Variants in NOL10 observed in about 807,000 individuals in gnomAD.
The protein encoded by NOL10 is H_NH0074G24.1.
Under a neutral mutation model 103.5 loss-of-function variants are expected in NOL10, and 58 were observed. The ratio of observed to expected loss-of-function variants is 0.56; its 90% CI spans 0.45 to 0.70. NOL10 has a LOEUF of 0.70. Ranked by LOEUF, NOL10 falls within the 30% of genes least tolerant of loss-of-function variation. NOL10 has a pLI of 0.00. For synonymous variants in NOL10, 287 were observed against 282.5 expected (o/e 1.02, Z -0.16); for missense variants, 763 against 807.3 (o/e 0.95, Z 0.67).
chr2:10,588,309 C>T (rs1675223457), intron 19 of NOL10, among the ~76,000 whole-genome samples: 1 of 152,174 alleles, frequency 6.6e-6, no homozygotes, highest in Non-Finnish European at 1.5e-5. Flanking sequence ...CACTGTTGTA[C>T]AACCACCACT....
intron 1 of NOL10, among the ~76,000 whole-genome samples, chr2:10,685,979 T>C (rs1682173826): frequency 8.5e-6 from 1 of 118,212 alleles, no homozygotes; most frequent in South Asian, 2.8e-4. Flanking sequence ...CAAGAATCAT[T>C]GAGCCCAGAG....
intron 13 of NOL10, among the ~76,000 whole-genome samples, chr2:10,619,107 T>C (rs1676987902): frequency 6.6e-6 from 1 of 152,174 alleles, no homozygotes; most frequent in Non-Finnish European, 1.5e-5. Flanking sequence ...CATACAGAAT[T>C]ACTTTCAAAT....
At chr2:10,644,036 G>A (rs756045143) in intron 13 of NOL10, among the ~76,000 whole-genome samples, 4 of 152,100 alleles carry the variant, frequency 2.6e-5, no homozygotes, top group Non-Finnish European at 5.9e-5. Context: ...GATCACTTGA[G>A]GTCATGAGTT....
At position 10,662,988 on chromosome 2, in the gene NOL10, G is replaced by A. The variant is rs368232032; in HGVS notation, c.648C>T (p.Cys216=). 5.4e-5 allele frequency: 87 copies of A among 1,613,590 alleles called. No homozygotes were observed. Among genetic ancestry groups the A allele is most frequent in the Middle Eastern group, 1.6e-4 (1 of 6,084 alleles). ...RTRNRVGLLD[C]ALNSVTADSE... ...AATCTGCTGTGACACTGTTTAAGGC[G>A]CAGTCTAACAGGCCAACTCTGTTTC... is the stretch of plus-strand genomic sequence containing the variant. Residue 216 remains cysteine (C), a synonymous_variant, in exon 9 of 21, where the codon TGC becomes TGT. Transcript: ENST00000381685.
intron 19 of NOL10, among the ~76,000 whole-genome samples, chr2:10,580,643 GA>G (rs1172226937): frequency 2.0e-5 from 3 of 152,214 alleles, no homozygotes; most frequent in Admixed American, 6.5e-5. Context: ...AAATAAAAAG[GA>G]AAGTGGGCAG....
chr2:10,685,488 TCCCCCCCC>T (rs56198509), intron 1 of NOL10, among the ~76,000 whole-genome samples: 16 of 8,394 alleles, frequency 1.9e-3, no homozygotes, highest in East Asian at 4.9e-3. Flanking sequence ...AGAGACTCCG[TCCCCCCCC>T]CCCCCCCCCC....
Position 10,638,345 on chromosome 2 carries a change from A to G in NOL10, c.1026+5975T>C, listed in dbSNP as rs537904795. On this transcript the variant is annotated intron_variant, in intron 13 of 20. Coordinates refer to ENST00000381685, the MANE Select transcript of NOL10 (RefSeq NM_024894.4). ...GACGTGACGTGACGTAACGTAACGT[A>G]ACGTAACGTAACGTAACAGTACCTA... Among the ~76,000 whole-genome samples the G allele has an allele frequency of 6.2e-4, 93 of 151,004 alleles. 1 individual carries two copies. The highest frequency in any genetic ancestry group is 1.1e-3 in the Non-Finnish European group (78 of 67,874).
intron 3 of NOL10, 47 bp from the exon 4 acceptor site, chr2:10,675,918 G>C: frequency 1.0e-6 from 1 of 993,328 alleles, no homozygotes; most frequent in Non-Finnish European, 1.5e-6. Flanking sequence ...TACTTTCATA[G>C]TCAAAACATC....
rs191944945 is a variant in NOL10, at chr2:10,645,560, G to A, written c.974-1188C>T. ...TTTTTTTTTTTTTTTTGAGACAAGAGTCTTGCTCTGTTGCCCAGGCTGGAG... is the reference window on the plus strand; with the variant it reads ...TTTTTTTTTTTTTTTTGAGACAAGAATCTTGCTCTGTTGCCCAGGCTGGAG... On this transcript the variant is annotated intron_variant, in intron 12 of 20. Transcript: ENST00000381685. Among the ~76,000 whole-genome samples the A allele has an allele frequency of 2.5e-3, 362 of 145,196 alleles. 3 individuals are homozygous for A. The highest frequency in any genetic ancestry group is 8.9e-3 in the African/African-American group (348 of 39,114).
chr2:10,576,150 G>A (rs1674439884), intron 20 of NOL10, among the ~76,000 whole-genome samples: 1 of 152,072 alleles, frequency 6.6e-6, no homozygotes, highest in African/African-American at 2.4e-5. Context: ...AGTCATTAGG[G>A]ACCTGCAAAT....
intron 8 of NOL10, among the ~76,000 whole-genome samples, chr2:10,666,378 G>A (rs993443561): frequency 6.6e-6 from 1 of 151,114 alleles, no homozygotes; most frequent in South Asian, 2.1e-4. Flanking sequence ...ACGGAGTCTC[G>A]CTCTGTCACC....
intron 12 of NOL10, among the ~76,000 whole-genome samples, chr2:10,649,324 T>TC (rs1679304055): frequency 7.2e-6 from 1 of 138,820 alleles, no homozygotes; most frequent in Admixed American, 7.3e-5. Flanking sequence ...TTTTTTTTTT[T>TC]TTTTTTTTTT....
At chr2:10,683,646 T>C (rs1451681914) in intron 2 of NOL10, among the ~76,000 whole-genome samples, 1 of 152,230 alleles carries the variant, frequency 6.6e-6, no homozygotes, top group Non-Finnish European at 1.5e-5. Flanking sequence ...AACCTGTCCC[T>C]TCTGGACAAA....
intron 13 of NOL10, among the ~76,000 whole-genome samples, chr2:10,611,778 TGGTG>T (rs1207291846): frequency 6.6e-6 from 1 of 152,096 alleles, no homozygotes; most frequent in Non-Finnish European, 1.5e-5. Flanking sequence ...TAGCCAGGCG[TGGTG>T]GCGCATGCCT....
chr2:10,633,900 T>G (rs1480829743), intron 13 of NOL10, among the ~76,000 whole-genome samples: 1 of 151,884 alleles, frequency 6.6e-6, no homozygotes, highest in African/African-American at 2.4e-5. Flanking sequence ...GGTCATAGCT[T>G]ACTGTAGCCT....
chr2:10,671,522 T>C, intron 6 of NOL10, 32 bp downstream of exon 6: 1 of 1,472,736 alleles, frequency 6.8e-7, no homozygotes, highest in Non-Finnish European at 9.0e-7. Context: ...TTTTAGGAGG[T>C]GAAAAGGAGA....
chr2:10,593,370 C>T (rs72775341), intron 17 of NOL10, among the ~76,000 whole-genome samples: 8,016 of 152,174 alleles, frequency 0.053, 321 homozygotes, highest in Non-Finnish European at 0.083. Flanking sequence ...AACTTCTGAC[C>T]TGGTGATTCG....
chr2:10,684,533 T>C (rs1173827142), intron 2 of NOL10, 34 bp downstream of exon 2: 1 of 1,525,650 alleles, frequency 6.6e-7, no homozygotes, highest in African/African-American at 1.4e-5. Context: ...CATGGATCAC[T>C]AACGCAGCTG....
intron 5 of NOL10, among the ~76,000 whole-genome samples, chr2:10,672,710 G>T (rs1681027618): frequency 1.3e-5 from 2 of 152,140 alleles, no homozygotes. Context: ...GTTGAAAGAT[G>T]GGTCGGGGGC....
Sources: allele counts gnomAD v4.1 joint callset (sites outside exome capture counted in the v4.1 genomes callset), GRCh38; gene constraint gnomAD v4.1.1; transcripts MANE v1.5; gene names NCBI Gene and HGNC (gene_info 2026-07-23, HGNC 2026-07-21).